Variants in USH2A observed in about 807,000 individuals in gnomAD.
The protein encoded by USH2A is usherin.
Under a neutral mutation model 538.9 loss-of-function variants are expected in USH2A, and 443 were observed. The observed-to-expected ratio is 0.82, with a 90% confidence interval of 0.76 to 0.89. USH2A has a LOEUF of 0.89. Ranked by LOEUF, USH2A falls within the 40% of genes least tolerant of loss-of-function variation. The probability of loss-of-function intolerance (pLI) is 0.00; values close to 1 mark genes in which losing one functional copy is unlikely to be tolerated. For synonymous variants in USH2A, 2,413 were observed against 2,273.5 expected (o/e 1.06, Z -1.75); for missense variants, 6,633 against 6,324.8 (o/e 1.05, Z -1.65).
intron 64 of USH2A, among the ~76,000 whole-genome samples, chr1:215,653,757 A>C (rs1212809505): frequency 6.6e-6 from 1 of 152,194 alleles, no homozygotes; most frequent in Non-Finnish European, 1.5e-5. Flanking sequence ...GCTAAGCAAG[A>C]GATAAAAGTA....
chr1:215,917,684 C>G (rs778293245), intron 38 of USH2A, among the ~76,000 whole-genome samples: 34 of 148,168 alleles, frequency 2.3e-4, no homozygotes, highest in Non-Finnish European at 8.9e-5. Flanking sequence ...TGGCTCACAC[C>G]TATAATCCCA....
At chr1:216,065,178 A>G (rs1462717151) in intron 30 of USH2A, among the ~76,000 whole-genome samples, 1 of 152,164 alleles carries the variant, frequency 6.6e-6, no homozygotes, top group Non-Finnish European at 1.5e-5. Context: ...ACTGCCCTAC[A>G]TTGGTTTACA....
At chr1:216,344,542 C>T (rs2038137515) in intron 4 of USH2A, among the ~76,000 whole-genome samples, 1 of 152,028 alleles carries the variant, frequency 6.6e-6, no homozygotes, top group Non-Finnish European at 1.5e-5. Context: ...ATCTGGACCT[C>T]TTTCTGGTAA....
chr1:215,874,877 A>T (rs1351577857), intron 43 of USH2A, among the ~76,000 whole-genome samples: 2 of 152,226 alleles, frequency 1.3e-5, no homozygotes, highest in Non-Finnish European at 2.9e-5. Flanking sequence ...TTCAATTAAA[A>T]ACCCAGGAAA....
At position 216,422,337 on chromosome 1, in the gene USH2A, G is replaced by A. The variant is rs547139318; in HGVS notation, c.-1C>T. 10 of 1,613,600 alleles carry A rather than the reference G, an allele frequency of 6.2e-6. No homozygotes were observed. The African/African-American group carries it at 9.3e-5, about 15-fold the overall frequency. On this transcript the variant is annotated 5_prime_UTR_variant, in exon 2 of 72. Transcript: ENST00000307340. ...CCAATGAAAGAACTGGGCAATTCAT[G>A]TTTACAAAAAAGCATTCTCCTCCTG...
intron 9 of USH2A, among the ~76,000 whole-genome samples, chr1:216,317,257 T>C (rs954033619): frequency 6.6e-6 from 1 of 151,852 alleles, no homozygotes; most frequent in South Asian, 2.1e-4. Flanking sequence ...ATGAATAGAG[T>C]TGGAAGTCAT....
intron 30 of USH2A, among the ~76,000 whole-genome samples, chr1:216,057,412 T>G (rs970981028): frequency 5.9e-5 from 9 of 152,196 alleles, no homozygotes; most frequent in Non-Finnish European, 1.3e-4. Context: ...TGCCAGCACT[T>G]TGGGAGGCTG....
In USH2A at chr1:215,782,088, T is replaced by C; in HGVS notation, c.10694A>G (p.Tyr3565Cys). 1 of 1,613,996 alleles carries C rather than the reference T, an allele frequency of 6.2e-7. No homozygotes were observed. The change falls in exon 54 of 72, where the codon TAT becomes TGT. Residue 3565 changes from tyrosine to cysteine, a missense_variant. Physicochemically the swap from Tyr to Cys is radical, Grantham distance 194. Coordinates refer to ENST00000307340, the MANE Select transcript of USH2A (RefSeq NM_206933.4). ...AGCAACCGTGCAAGCTTTCAGCTGA[T>C]ATGAATATTCCTGAAATGGTTGAAT... ...EGIQPFQEYSYQLKACTVAGC... is the reference protein window; with the variant it reads ...EGIQPFQEYSCQLKACTVAGC...
intron 15 of USH2A, among the ~76,000 whole-genome samples, 173 bp from the exon 16 acceptor site, chr1:216,207,604 A>G (rs958695459): frequency 2.6e-5 from 4 of 152,186 alleles, no homozygotes; most frequent in African/African-American, 9.7e-5. Flanking sequence ...TCTAAAACAA[A>G]GCTTTTTATC....
intron 37 of USH2A, among the ~76,000 whole-genome samples, chr1:215,953,379 G>T (rs1436105901): frequency 1.3e-5 from 2 of 152,142 alleles, no homozygotes; most frequent in Non-Finnish European, 1.5e-5. Flanking sequence ...TAGACCAATA[G>T]AATGGAACAG....
At chr1:215,664,894 T>G (rs991836912) in intron 64 of USH2A, among the ~76,000 whole-genome samples, 1 of 152,196 alleles carries the variant, frequency 6.6e-6, no homozygotes, top group Admixed American at 6.5e-5. Context: ...TTGTGGGAAA[T>G]AAATATTTGT....
chr1:216,101,480 A>G (rs2102576824), intron 21 of USH2A, among the ~76,000 whole-genome samples: 1 of 152,336 alleles, frequency 6.6e-6, no homozygotes, highest in East Asian at 1.9e-4. Context: ...CGGTGTGCGC[A>G]GGAGAGCAGA....
chr1:216,225,107 A>G (rs1453001387), intron 14 of USH2A, among the ~76,000 whole-genome samples: 4 of 152,148 alleles, frequency 2.6e-5, no homozygotes, highest in African/African-American at 9.7e-5. Flanking sequence ...ATTACATGTG[A>G]ATTTTTTCCT....
intron 21 of USH2A, among the ~76,000 whole-genome samples, chr1:216,170,418 G>A (rs2034253825): frequency 6.6e-6 from 1 of 152,046 alleles, no homozygotes. Flanking sequence ...TCATCTGCAA[G>A]ATATTCAACA....
intron 37 of USH2A, among the ~76,000 whole-genome samples, chr1:215,959,854 A>G (rs1667154336): frequency 6.6e-6 from 1 of 152,052 alleles, no homozygotes; most frequent in Admixed American, 6.6e-5. Context: ...TGCCTTAGAA[A>G]CTCTGACACA....
intron 20 of USH2A, among the ~76,000 whole-genome samples, chr1:216,176,675 T>G (rs1025628452): frequency 6.6e-6 from 1 of 152,036 alleles, no homozygotes; most frequent in Non-Finnish European, 1.5e-5. Context: ...CACAGAAAAT[T>G]TTCCCTACCC....
intron 61 of USH2A, among the ~76,000 whole-genome samples, chr1:215,697,617 G>A (rs1435928590): frequency 6.6e-6 from 1 of 152,078 alleles, no homozygotes; most frequent in Non-Finnish European, 1.5e-5. Context: ...CGCCTCCCGG[G>A]TTCAAGCAAT....
At chr1:216,279,854 A>C (rs2036738394) in intron 11 of USH2A, among the ~76,000 whole-genome samples, 1 of 152,084 alleles carries the variant, frequency 6.6e-6, no homozygotes, top group Non-Finnish European at 1.5e-5. Flanking sequence ...GACTTATGTT[A>C]GGGACTTTCA....
At chr1:215,887,007 G>A (rs577762404) in intron 41 of USH2A, among the ~76,000 whole-genome samples, 2 of 151,986 alleles carry the variant, frequency 1.3e-5, no homozygotes, top group Admixed American at 6.5e-5. Context: ...ATAGGTGCCC[G>A]CCACCAAGCC....
Sources: gnomAD v4.1 joint callset for allele counts (sites outside exome capture counted in the v4.1 genomes callset) on GRCh38, gnomAD v4.1.1 for gene constraint, MANE v1.5 for transcripts, NCBI Gene and HGNC (gene_info 2026-07-23, HGNC 2026-07-21) for gene names.